The following TFDP2 variants were observed in gnomAD, a reference collection of about 807,000 sequenced individuals.
TFDP2 encodes transcription factor Dp-2, also known as transcription factor Dp-2 (E2F dimerization partner 2).
A neutral mutation model predicts 59.3 loss-of-function variants in TFDP2; 17 were observed. The observed-to-expected ratio is 0.29, with a 90% CI of 0.20 to 0.43. The LOEUF (loss-of-function observed/expected upper bound fraction) is 0.43. TFDP2 is among the 20% of genes least tolerant of loss of function. TFDP2 has a pLI of 1.00. For synonymous variants in TFDP2, 180 were observed against 194.7 expected (o/e 0.92, Z 0.63); for missense variants, 391 against 528.8 (o/e 0.74, Z 2.56).
rs557436775 is a variant in TFDP2 at position 142,001,086 on chromosome 3, G to A, written c.186+4355C>T. On this transcript the variant is annotated intron_variant, in intron 4 of 12. Coordinates refer to ENST00000489671, the MANE Select transcript of TFDP2 (RefSeq NM_001178139.2). ...ACCCCGCGCACCTCAGCTCCACCAA[G>A]CTTTGCCCTGGTGAGGGTTCCCAAT... Among the ~76,000 whole-genome samples, 311 of 152,320 alleles carry A rather than the reference G, an allele frequency of 2.0e-3. 2 individuals are homozygous for A. Among genetic ancestry groups the A allele is most frequent in the Middle Eastern group, 3.4e-3 (1 of 294 alleles).
chr3:142,101,608 A>G, intron 2 of TFDP2, 127 bp downstream of exon 2: 1 of 588,130 alleles, frequency 1.7e-6, no homozygotes. Context: ...CATAAACATA[A>G]ACAAATACAA....
intron 9 of TFDP2, among the ~76,000 whole-genome samples, 189 bp downstream of exon 9, chr3:141,969,884 G>A (rs1403485382): frequency 6.6e-6 from 1 of 152,200 alleles, no homozygotes; most frequent in Non-Finnish European, 1.5e-5. Context: ...GAGCTGAGAT[G>A]ATGGCAACAG....
At position 142,131,689 on chromosome 3, in the gene TFDP2, T is replaced by C. The variant is rs76132842; in HGVS notation, c.-93+17494A>G. ...AGTAATAAATGTAGTAAGAAATGCGTAACGCCTATCAGAAAGAATTAAAAA... is the reference window on the plus strand; with the variant it reads ...AGTAATAAATGTAGTAAGAAATGCGCAACGCCTATCAGAAAGAATTAAAAA... On this transcript the variant is annotated intron_variant, in intron 1 of 12. Coordinates refer to ENST00000489671, the MANE Select transcript of TFDP2 (RefSeq NM_001178139.2). 5.3e-3 allele frequency among the ~76,000 whole-genome samples: 799 copies of C among 150,158 alleles called. 85 individuals carry two copies. The highest frequency in any genetic ancestry group is 0.019 in the African/African-American group (764 of 39,738).
intron 2 of TFDP2, among the ~76,000 whole-genome samples, chr3:142,096,644 C>T (rs771400865): frequency 1.3e-5 from 2 of 152,048 alleles, no homozygotes; most frequent in Admixed American, 6.6e-5. Context: ...AGTCACTATG[C>T]GTTTACTGAA....
chr3:141,975,828 A>G (rs1940556618), intron 7 of TFDP2, among the ~76,000 whole-genome samples: 1 of 152,154 alleles, frequency 6.6e-6, no homozygotes, highest in Non-Finnish European at 1.5e-5. Context: ...TGTTGTTCAA[A>G]GCAGATTAAA....
Position 141,995,078 on chromosome 3 carries a change from G to A in TFDP2, c.250C>T (p.Pro84Ser). Residue 84 changes from proline to serine, a missense_variant, in exon 5 of 13, where the codon CCT becomes TCT. Physicochemically the swap from Pro to Ser is moderately conservative, Grantham distance 74 (BLOSUM62 -1). Coordinates refer to ENST00000489671, the MANE Select transcript of TFDP2 (RefSeq NM_001178139.2). Reference protein sequence around the residue: ...GSVLIGSPYTPAPAMVTQTHI... With the variant: ...GSVLIGSPYTSAPAMVTQTHI... ...GTCTGAGTAACCATTGCTGGTGCAG[G>A]GGTATATGGACTCCCAATCAGAACA... 6.2e-7 allele frequency: 1 copy of A among 1,611,176 alleles called. No individual in the cohort carries two copies.
chr3:142,029,391 G>A (rs2108400844), intron 3 of TFDP2, among the ~76,000 whole-genome samples: 1 of 151,676 alleles, frequency 6.6e-6, no homozygotes, highest in Middle Eastern at 3.4e-3. Context: ...AAATTTCCAG[G>A]TTAGTCCCTT....
At chr3:141,977,091 T>TAGATAGATAG (rs1553763125) in intron 7 of TFDP2, among the ~76,000 whole-genome samples, 2 of 102,230 alleles carry the variant, frequency 2.0e-5, no homozygotes, top group Admixed American at 9.9e-5. Flanking sequence ...GTCATAGCCA[T>TAGATAGATAG]ATATATATAT....
intron 3 of TFDP2, among the ~76,000 whole-genome samples, chr3:142,037,229 T>G (rs537889297): frequency 1.8e-4 from 28 of 152,332 alleles, no homozygotes; most frequent in African/African-American, 6.5e-4. Flanking sequence ...TGCCAGACAT[T>G]AGGAGAGGAC....
rs71856030 is a variant in TFDP2, at chr3:141,993,199, C to CAAAAAA, written c.356+333_356+338dup. Among the ~76,000 whole-genome samples the CAAAAAA allele has an allele frequency of 5.3e-3, 765 of 144,106 alleles. 12 individuals carry two copies. Among genetic ancestry groups the CAAAAAA allele is most frequent in the African/African-American group, 0.019 (698 of 37,538 alleles). 94.5% of individuals were successfully genotyped at this position (144,106 alleles called of 152,430 possible). A position where few individuals can be genotyped will look rare whatever the true frequency, so the allele number is the denominator to read the frequency against. On this transcript the variant is annotated intron_variant, in intron 6 of 12. Transcript: ENST00000489671. The stretch of plus-strand genomic sequence containing the variant: ...TGGGTGACAGAGCAAGACTTCATCT[C>CAAAAAA]AAAAAAAAGAAAAAAGAAAAAATTG...
intron 1 of TFDP2, among the ~76,000 whole-genome samples, chr3:142,144,421 A>G (rs1301047919): frequency 1.3e-5 from 2 of 152,018 alleles, no homozygotes; most frequent in Non-Finnish European, 2.9e-5. Context: ...ATTTAAAAGG[A>G]CAGTAAAGAG....
At chr3:142,089,768 T>C (rs561038134) in intron 3 of TFDP2, among the ~76,000 whole-genome samples, 8 of 152,198 alleles carry the variant, frequency 5.3e-5, no homozygotes, top group Non-Finnish European at 1.2e-4. Flanking sequence ...GAAAGGTATT[T>C]ATAAATGTGA....
At chr3:142,062,210 A>C (rs1305915860) in intron 3 of TFDP2, among the ~76,000 whole-genome samples, 1 of 151,996 alleles carries the variant, frequency 6.6e-6, no homozygotes. Context: ...TACAGTACAC[A>C]ATCTATAACA....
chr3:142,056,406 G>A (rs888578563), intron 3 of TFDP2, among the ~76,000 whole-genome samples: 2 of 151,990 alleles, frequency 1.3e-5, no homozygotes, highest in African/African-American at 4.8e-5. Flanking sequence ...ATATAGTGCG[G>A]TAAATATAGA....
At chr3:142,051,290 G>A (rs1352998787) in intron 3 of TFDP2, among the ~76,000 whole-genome samples, 2 of 152,154 alleles carry the variant, frequency 1.3e-5, no homozygotes, top group East Asian at 1.9e-4. Context: ...CTGTAATCCA[G>A]CACTTTGGGA....
chr3:142,030,488 T>G (rs1946368763), intron 3 of TFDP2, among the ~76,000 whole-genome samples: 1 of 152,226 alleles, frequency 6.6e-6, no homozygotes, highest in African/African-American at 2.4e-5. Flanking sequence ...TATATTCATT[T>G]ACATTCCCAC....
chr3:141,957,094 G>A (rs1936782329), intron 11 of TFDP2, among the ~76,000 whole-genome samples: 1 of 152,138 alleles, frequency 6.6e-6, no homozygotes, highest in Non-Finnish European at 1.5e-5. Flanking sequence ...GCTGAGGCAG[G>A]TGAATTCAGG....
chr3:141,969,214 TATATCTC>T (rs1939268785), intron 9 of TFDP2, among the ~76,000 whole-genome samples: 1 of 106,538 alleles, frequency 9.4e-6, no homozygotes, highest in African/African-American at 3.9e-5. Flanking sequence ...AACATATATA[TATATCTC>T]ATATATATGA....
chr3:142,029,503 C>A (rs1946320206), intron 3 of TFDP2, among the ~76,000 whole-genome samples: 1 of 151,996 alleles, frequency 6.6e-6, no homozygotes, highest in African/African-American at 2.4e-5. Context: ...CATACCTAAT[C>A]ATCTTACTTA....
Sources: allele counts gnomAD v4.1 joint callset (sites outside exome capture counted in the v4.1 genomes callset), GRCh38; gene constraint gnomAD v4.1.1; transcripts MANE v1.5; gene names NCBI Gene and HGNC (gene_info 2026-07-23, HGNC 2026-07-21).